The following ZMAT4 variants were observed in gnomAD, a reference collection of about 807,000 sequenced individuals.
The protein encoded by ZMAT4 is zinc finger matrin-type protein 4.
A neutral mutation model predicts 28.7 loss-of-function variants in ZMAT4; 17 were observed. The ratio of observed to expected loss-of-function variants is 0.59; its 90% CI spans 0.41 to 0.89. The LOEUF (loss-of-function observed/expected upper bound fraction) is 0.89, where lower values mean the gene tolerates loss of function less well. ZMAT4 is among the 40% of genes least tolerant of loss of function. ZMAT4 has a pLI of 0.00. For missense variants in ZMAT4, 240 were observed against 283.8 expected (o/e 0.85, Z 1.11); for synonymous variants, 117 against 109.2 (o/e 1.07, Z -0.44).
Position 40,553,339 on chromosome 8 carries a change from G to A in ZMAT4, c.675-21101C>T, listed in dbSNP as rs147806100. Among the ~76,000 whole-genome samples the A allele has an allele frequency of 5.5e-3, 834 of 152,218 alleles. 8 individuals are homozygous for A. The highest frequency in any genetic ancestry group is 0.018 in the African/African-American group (742 of 41,532). Reference sequence around the variant, plus strand: ...TGTTGTTTCAAGCTACCGAGTTTTCGGGTAATTTCTTATACAGCCCTGGAT... The same window carrying A: ...TGTTGTTTCAAGCTACCGAGTTTTCAGGTAATTTCTTATACAGCCCTGGAT... On this transcript the variant is annotated intron_variant, in intron 6 of 6. Coordinates refer to ENST00000297737, the MANE Select transcript of ZMAT4 (RefSeq NM_024645.3).
intron 1 of ZMAT4, among the ~76,000 whole-genome samples, chr8:40,863,948 G>C (rs1367714821): frequency 3.9e-5 from 6 of 152,124 alleles, no homozygotes; most frequent in Non-Finnish European, 7.3e-5. Flanking sequence ...TAAAGTCCTA[G>C]AAAATGGGAA....
At chr8:40,534,618 T>C (rs917107856) in intron 6 of ZMAT4, among the ~76,000 whole-genome samples, 4 of 151,604 alleles carry the variant, frequency 2.6e-5, no homozygotes, top group Non-Finnish European at 2.9e-5. Flanking sequence ...TTTTGACATA[T>C]ATGAAACCAC....
chr8:40,867,706 G>A (rs753063184), intron 1 of ZMAT4, among the ~76,000 whole-genome samples: 14 of 152,026 alleles, frequency 9.2e-5, no homozygotes, highest in Non-Finnish European at 1.9e-4. Context: ...CACTTCCTTT[G>A]AGTCTTTGTT....
At chr8:40,646,913 G>T (rs1807345190) in intron 5 of ZMAT4, among the ~76,000 whole-genome samples, 1 of 152,178 alleles carries the variant, frequency 6.6e-6, no homozygotes, top group Admixed American at 6.5e-5. Context: ...CTTCTCAAGT[G>T]CACATGAATC....
chr8:40,741,339 G>A (rs1301216231), intron 3 of ZMAT4, among the ~76,000 whole-genome samples: 1 of 151,678 alleles, frequency 6.6e-6, no homozygotes, highest in Non-Finnish European at 1.5e-5. Flanking sequence ...CCAAGCTACT[G>A]GGGAGGCTGA....
Position 40,674,845 on chromosome 8 carries a change from A to G in ZMAT4, c.436T>C (p.Tyr146His), listed in dbSNP as rs1808840207. Residue 146 changes from tyrosine to histidine, a missense_variant, in exon 5 of 7, where the codon TAC becomes CAC. Physicochemically the swap from Tyr to His is moderately conservative, Grantham distance 83. Transcript: ENST00000297737. ...SPYQRRDSDR[Y>H]CGLCAAWFNN... is the part of the protein sequence containing the mutation. ...AACCAGGCTGCACAGAGCCCACAGT[A>G]TCTGTCTGAATCTCTTCTTTGATAG... 2 of 1,613,744 alleles carry G rather than the reference A, an allele frequency of 1.2e-6. No homozygotes were observed. The highest frequency in any genetic ancestry group is 1.7e-6 in the Non-Finnish European group (2 of 1,179,908).
intron 5 of ZMAT4, among the ~76,000 whole-genome samples, chr8:40,593,265 T>C (rs908374562): frequency 1.3e-5 from 2 of 152,196 alleles, no homozygotes; most frequent in Non-Finnish European, 2.9e-5. Context: ...CTGAAGTGGA[T>C]TGGGCTTCTA....
intron 1 of ZMAT4, among the ~76,000 whole-genome samples, chr8:40,831,436 G>A (rs1408936389): frequency 1.3e-5 from 2 of 152,180 alleles, no homozygotes; most frequent in East Asian, 3.9e-4. Flanking sequence ...CAGAGGGCCA[G>A]GGACTCCAGC....
At chr8:40,616,714 C>T (rs919327679) in intron 5 of ZMAT4, among the ~76,000 whole-genome samples, 10 of 151,674 alleles carry the variant, frequency 6.6e-5, no homozygotes, top group Admixed American at 6.6e-4. Context: ...GGAAGGGGAA[C>T]ATCACACACC....
intron 5 of ZMAT4, among the ~76,000 whole-genome samples, chr8:40,639,717 C>T (rs1806938113): frequency 6.7e-6 from 1 of 148,394 alleles, no homozygotes; most frequent in Admixed American, 6.8e-5. Context: ...CTCTAACCCT[C>T]ATATCTTTAA....
At chr8:40,674,998 T>C (rs984242447) in intron 4 of ZMAT4, 67 bp from the exon 5 acceptor site, 6 of 1,272,492 alleles carry the variant, frequency 4.7e-6, no homozygotes, top group East Asian at 4.7e-5. Context: ...TCTTCCTCAA[T>C]ACCCGAAGAC....
At chr8:40,687,494 A>G (rs1206948651) in intron 4 of ZMAT4, among the ~76,000 whole-genome samples, 1 of 152,118 alleles carries the variant, frequency 6.6e-6, no homozygotes, top group African/African-American at 2.4e-5. Context: ...GAAACAGAAA[A>G]CATGTTGGTG....
intron 5 of ZMAT4, among the ~76,000 whole-genome samples, chr8:40,594,782 G>T (rs1354238979): frequency 6.6e-6 from 1 of 152,202 alleles, no homozygotes; most frequent in Non-Finnish European, 1.5e-5. Context: ...TATTCTGGCA[G>T]GCTGCCTTCT....
intron 5 of ZMAT4, among the ~76,000 whole-genome samples, chr8:40,589,731 C>CCTTCCTTTCTTTCTTT (rs1554523991): frequency 7.2e-6 from 1 of 139,272 alleles, no homozygotes; most frequent in African/African-American, 2.7e-5. Flanking sequence ...TTCTTCCTTT[C>CCTTCCTTTCTTTCTTT]CTTTCTTTCT....
chr8:40,778,575 C>T (rs1813699313), intron 2 of ZMAT4, among the ~76,000 whole-genome samples: 2 of 151,550 alleles, frequency 1.3e-5, no homozygotes, highest in Admixed American at 1.3e-4. Flanking sequence ...GAAATTTTTT[C>T]TTTTGAATCC....
intron 5 of ZMAT4, among the ~76,000 whole-genome samples, chr8:40,631,265 C>T (rs769988443): frequency 2.0e-5 from 3 of 152,182 alleles, no homozygotes; most frequent in Non-Finnish European, 4.4e-5. Flanking sequence ...CTCTGCAATT[C>T]TCTTGCCTCA....
intron 2 of ZMAT4, 44 bp from the exon 3 acceptor site, chr8:40,767,774 T>C (rs1175027979): frequency 2.0e-5 from 31 of 1,539,982 alleles, no homozygotes; most frequent in Non-Finnish European, 2.7e-5. Context: ...AGATAAGCCA[T>C]TTCAAACCCT....
intron 3 of ZMAT4, among the ~76,000 whole-genome samples, chr8:40,743,676 AC>A (rs1191789805): frequency 4.6e-5 from 7 of 152,168 alleles, no homozygotes; most frequent in Non-Finnish European, 1.0e-4. Flanking sequence ...ACACACACAT[AC>A]ACCGCAAAAC....
chr8:40,761,259 T>G (rs1165836599), intron 3 of ZMAT4, among the ~76,000 whole-genome samples: 1 of 152,188 alleles, frequency 6.6e-6, no homozygotes, highest in Non-Finnish European at 1.5e-5. Context: ...CTTGATTCCT[T>G]ATTTTGAATA....
Sources: allele counts gnomAD v4.1 joint callset (sites outside exome capture counted in the v4.1 genomes callset), GRCh38; gene constraint gnomAD v4.1.1; transcripts MANE v1.5; gene names NCBI Gene and HGNC (gene_info 2026-07-23, HGNC 2026-07-21).